The following CHM variants were observed in gnomAD, a reference collection of about 807,000 sequenced individuals.
The protein encoded by CHM is rab proteins geranylgeranyltransferase component A 1.
A neutral mutation model predicts 49.0 loss-of-function variants in CHM; 10 were observed. The observed-to-expected ratio is 0.20, with a 90% CI of 0.13 to 0.35. The LOEUF is 0.35. Among genes scored for constraint, CHM ranks in the 10% least tolerant of loss-of-function variants. The probability of loss-of-function intolerance (pLI) is 1.00; values close to 1 mark genes in which losing one functional copy is unlikely to be tolerated. For missense variants in CHM, 455 were observed against 478.4 expected (o/e 0.95, Z 0.46); for synonymous variants, 184 against 167.5 (o/e 1.10, Z -0.76).
intron 13 of CHM, among the ~76,000 whole-genome samples, 167 bp from the exon 14 acceptor site, chrX:85,873,379 GTAAGT>G (rs1455572145): frequency 9.0e-6 from 1 of 111,461 alleles, no homozygotes; most frequent in African/African-American, 3.3e-5. Context: ...ATTTTGATTA[GTAAGT>G]TAATTAGATT....
intron 1 of CHM, among the ~76,000 whole-genome samples, chrX:86,031,835 C>T (rs200522328): frequency 9.1e-6 from 1 of 109,902 alleles, no homozygotes; most frequent in African/African-American, 3.3e-5. Context: ...AGAAAAACTC[C>T]GTCTCAAAAA....
intron 12 of CHM, among the ~76,000 whole-genome samples, chrX:85,880,464 G>A (rs753954685): frequency 9.0e-6 from 1 of 111,100 alleles, no homozygotes; most frequent in African/African-American, 3.3e-5. Flanking sequence ...TCAAAATCTC[G>A]TGAAATACCA....
intron 2 of CHM, among the ~76,000 whole-genome samples, chrX:86,025,702 GAAAAA>G (rs1933779123): frequency 1.2e-5 from 1 of 82,521 alleles, no homozygotes; most frequent in Non-Finnish European, 2.4e-5. Flanking sequence ...AAGAAAGAAA[GAAAAA>G]GAAAAAGGAA....
intron 12 of CHM, among the ~76,000 whole-genome samples, chrX:85,893,135 T>C (rs1925586998): frequency 9.0e-6 from 1 of 111,731 alleles, no homozygotes; most frequent in Non-Finnish European, 1.9e-5. Flanking sequence ...ACTTGGTTAA[T>C]AAATAGTCTT....
At chrX:85,898,501 T>C (rs1186435762) in intron 11 of CHM, among the ~76,000 whole-genome samples, 1 of 111,538 alleles carries the variant, frequency 9.0e-6, no homozygotes, top group Admixed American at 9.6e-5. Context: ...TATATACTAA[T>C]CTTTTAAAGT....
At chrX:85,965,809 T>C (rs1444969727) in intron 4 of CHM, among the ~76,000 whole-genome samples, 1 of 110,981 alleles carries the variant, frequency 9.0e-6, no homozygotes, top group East Asian at 2.8e-4. Context: ...AAGAAACAAA[T>C]TGATATCATT....
At chrX:86,004,339 A>G (rs960648627) in intron 2 of CHM, among the ~76,000 whole-genome samples, 1 of 112,080 alleles carries the variant, frequency 8.9e-6, no homozygotes. Flanking sequence ...CGATACTATA[A>G]AGAAACTGCA....
chrX:86,046,882 T>A (rs1317204093), intron 1 of CHM, among the ~76,000 whole-genome samples: 1 of 111,497 alleles, frequency 9.0e-6, no homozygotes, highest in Non-Finnish European at 1.9e-5. Flanking sequence ...TTAAGCACCA[T>A]AAAGCAGGAA....
Position 85,981,206 on chromosome X carries a change from C to CTATATATATATATATATA in CHM, c.189+530_189+531insTATATATATATATATATA, listed in dbSNP as rs1284378299. On this transcript the variant is annotated intron_variant, in intron 3 of 14. Transcript: ENST00000357749. ...TACTCTTCAACCAACATTTCTATTT[C>CTATATATATATATATATA]TATATATATATATAGACACACATAT... Among the ~76,000 whole-genome samples the CTATATATATATATATATA allele has an allele frequency of 1.1e-3, 59 of 54,348 alleles. 1 individual carries two copies. The highest frequency in any genetic ancestry group is 3.4e-3 in the African/African-American group (57 of 16,588). The allele number at this position is 54,348 out of a possible 115,157, so 47.2% of individuals were successfully genotyped here.
intron 14 of CHM, among the ~76,000 whole-genome samples, chrX:85,872,322 T>C (rs1924126231): frequency 8.9e-6 from 1 of 112,173 alleles, no homozygotes; most frequent in African/African-American, 3.2e-5. Context: ...TCAAAAAATA[T>C]TTTCTGTTTG....
intron 8 of CHM, among the ~76,000 whole-genome samples, chrX:85,924,686 A>G (rs1490821652): frequency 8.9e-6 from 1 of 111,984 alleles, no homozygotes; most frequent in Non-Finnish European, 1.9e-5. Context: ...TGGACCTGGA[A>G]TAACAGCACT....
chrX:85,970,680 AAAGAT>A (rs1213566939), intron 4 of CHM: 1 of 127,233 alleles, frequency 7.9e-6, no homozygotes, highest in Non-Finnish European at 1.5e-5. Flanking sequence ...CAGTTGCCAC[AAAGAT>A]AATATCCAAT....
chrX:85,936,989 G>A (rs769175428), intron 8 of CHM, among the ~76,000 whole-genome samples: 19 of 111,365 alleles, frequency 1.7e-4, no homozygotes, highest in Admixed American at 1.2e-3. Flanking sequence ...TGTGCAGGCC[G>A]GGTGCAGTGG....
chrX:85,913,384 G>T (rs1286849752), intron 8 of CHM, among the ~76,000 whole-genome samples: 1 of 95,349 alleles, frequency 1.0e-5, no homozygotes, highest in Non-Finnish European at 2.1e-5. Flanking sequence ...AAGAAAGAAA[G>T]AAAAAAGGAA....
Position 85,864,356 on chromosome X carries a change from CCA to C in CHM, c.*272_*273del, listed in dbSNP as rs1449159860. 3 of 337,652 alleles carry C rather than the reference CCA, an allele frequency of 8.9e-6. No individual in the cohort carries two copies. The highest frequency in any genetic ancestry group is 1.6e-5 in the Non-Finnish European group (3 of 190,453). The allele number at this position is 337,652 out of a possible 1,213,427, so 27.8% of individuals were successfully genotyped here. On this transcript the variant is annotated 3_prime_UTR_variant, in exon 15 of 15. Transcript: ENST00000357749. ...ACAATGCATAGGATCACTTTCATAT[CCA>C]CAGTTACATTCCTGAGAATCAATTG... is the stretch of plus-strand genomic sequence containing the variant.
At chrX:85,925,253 C>A (rs892968461) in intron 8 of CHM, among the ~76,000 whole-genome samples, 1 of 111,124 alleles carries the variant, frequency 9.0e-6, no homozygotes, top group Non-Finnish European at 1.9e-5. Context: ...TGTACAAGGG[C>A]CAGAACCACC....
At chrX:86,006,153 C>G (rs755844977) in intron 2 of CHM, among the ~76,000 whole-genome samples, 1 of 111,637 alleles carries the variant, frequency 9.0e-6, no homozygotes, top group Non-Finnish European at 1.9e-5. Flanking sequence ...ACAGGACCAA[C>G]GACAAAAACC....
chrX:85,915,488 A>G (rs1459345867), intron 8 of CHM, among the ~76,000 whole-genome samples: 1 of 112,133 alleles, frequency 8.9e-6, no homozygotes, highest in African/African-American at 3.2e-5. Flanking sequence ...GTGCATCAAA[A>G]TAGAAACAGA....
intron 12 of CHM, among the ~76,000 whole-genome samples, chrX:85,893,258 T>C (rs1175942573): frequency 1.8e-5 from 2 of 111,918 alleles, no homozygotes; most frequent in Admixed American, 9.5e-5. Context: ...GTATAATGTA[T>C]ACTTATTGAC....
Sources: allele counts gnomAD v4.1 joint callset (sites outside exome capture counted in the v4.1 genomes callset), GRCh38; gene constraint gnomAD v4.1.1; transcripts MANE v1.5; gene names NCBI Gene and HGNC (gene_info 2026-07-23, HGNC 2026-07-21).